UGGT2: variants seen among roughly 807,000 people sequenced by gnomAD.
The protein encoded by UGGT2 is UDP-glucose:glycoprotein glucosyltransferase 2.
UGGT2 carries 180 observed loss-of-function variants against 192.1 expected under a neutral mutation model. The ratio of observed to expected loss-of-function variants is 0.94; its 90% CI spans 0.83 to 1.06. The LOEUF is 1.06. Among genes scored for constraint, UGGT2 ranks in the 50% least tolerant of loss-of-function variants. The pLI, the probability that UGGT2 is intolerant of heterozygous loss-of-function variation, is 0.00. For synonymous variants in UGGT2, 580 were observed against 591.0 expected, an observed-to-expected ratio of 0.98 and a Z score of 0.27; for missense variants, 1,849 against 1,795.7, an observed-to-expected ratio of 1.03 and a Z score of -0.54.
In UGGT2 at chr13:95,925,789, C is replaced by A. The variant is rs965714496; in HGVS notation, c.2201-15G>T. On this transcript the variant is annotated splice_polypyrimidine_tract_variant and intron_variant, in intron 19 of 38. Coordinates refer to ENST00000376747, the MANE Select transcript of UGGT2 (RefSeq NM_020121.4). ...TATACTCTCATCTGAAAGTTTCAAA[C>A]AGTTTACTCAAATTAACTTTTTTTT... 7 of 1,496,386 alleles carry A rather than the reference C, an allele frequency of 4.7e-6. No homozygotes were observed. Among genetic ancestry groups the A allele is most frequent in the Non-Finnish European group, 5.4e-6 (6 of 1,113,148 alleles). The allele number at this position is 1,496,386 out of a possible 1,614,324, so 92.7% of individuals were successfully genotyped here. A position where few individuals can be genotyped will look rare whatever the true frequency, so the allele number is the denominator to read the frequency against.
At chr13:96,051,161 G>A (rs2139247180) in intron 1 of UGGT2, among the ~76,000 whole-genome samples, 1 of 152,276 alleles carries the variant, frequency 6.6e-6, no homozygotes, top group East Asian at 1.9e-4. Flanking sequence ...CATAAAAAAG[G>A]ATGAGTTCAT....
intron 4 of UGGT2, among the ~76,000 whole-genome samples, chr13:96,015,537 A>G (rs891923932): frequency 4.6e-5 from 7 of 152,164 alleles, no homozygotes; most frequent in African/African-American, 1.7e-4. Flanking sequence ...GAAAAATTAT[A>G]CCTATAGAGG....
At chr13:95,919,567 CCAA>C (rs1317675854) in intron 20 of UGGT2, among the ~76,000 whole-genome samples, 3 of 152,158 alleles carry the variant, frequency 2.0e-5, no homozygotes, top group African/African-American at 7.2e-5. Context: ...TTCCTATACA[CCAA>C]CAACAAGTAG....
At chr13:95,818,284 C>G (rs1339445209) in intron 38 of UGGT2, among the ~76,000 whole-genome samples, 1 of 152,172 alleles carries the variant, frequency 6.6e-6, no homozygotes. Flanking sequence ...TACATGCAAG[C>G]CTGGGAGGCA....
intron 12 of UGGT2, among the ~76,000 whole-genome samples, chr13:95,958,762 G>A (rs979733218): frequency 6.6e-6 from 1 of 152,142 alleles, no homozygotes; most frequent in Non-Finnish European, 1.5e-5. Flanking sequence ...AGGAGTACCC[G>A]AAAGCAAGAA....
rs1200418644 is a variant in UGGT2 at position 96,022,892 on chromosome 13, C to G, written c.485+148G>C. 1.4e-5 allele frequency: 6 copies of G among 440,188 alleles called. No individual in the cohort carries two copies. The East Asian group carries it at 2.3e-4, about 17-fold the overall frequency. 27.3% of individuals were successfully genotyped at this position (440,188 alleles called of 1,614,324 possible). A position where few individuals can be genotyped will look rare whatever the true frequency, so the allele number is the denominator to read the frequency against. ...CAAAAGCTAATCAAGACAAAACATT[C>G]TCAGATATATTACGGTTTTCAATAC... On this transcript the variant is annotated intron_variant, in intron 4 of 38. Transcript: ENST00000376747.
intron 10 of UGGT2, among the ~76,000 whole-genome samples, chr13:95,977,555 A>T (rs2050977103): frequency 6.6e-6 from 1 of 152,198 alleles, no homozygotes; most frequent in South Asian, 2.1e-4. Context: ...CAGATGCTGG[A>T]GAGGATGTGG....
At chr13:95,914,095 TGAGGGATGGGGGCCTGAGG>T (rs2048597278) in intron 20 of UGGT2, among the ~76,000 whole-genome samples, 1 of 151,992 alleles carries the variant, frequency 6.6e-6, no homozygotes, top group African/African-American at 2.4e-5. Flanking sequence ...CAGGGCCTGT[TGAGGGATGGGGGCCTGAGG>T]GAGGGATAGC....
chr13:95,827,778 C>G (rs1483108660), intron 38 of UGGT2, among the ~76,000 whole-genome samples: 1 of 152,176 alleles, frequency 6.6e-6, no homozygotes, highest in African/African-American at 2.4e-5. Context: ...TTACTTAGCA[C>G]TAGATACTGA....
intron 2 of UGGT2, among the ~76,000 whole-genome samples, chr13:96,029,740 T>C (rs1469227223): frequency 6.6e-6 from 1 of 152,198 alleles, no homozygotes; most frequent in Non-Finnish European, 1.5e-5. Context: ...ATCATTTCAT[T>C]TAGGTATAAA....
intron 38 of UGGT2, among the ~76,000 whole-genome samples, chr13:95,803,637 T>C (rs1884169739): frequency 6.6e-6 from 1 of 152,134 alleles, no homozygotes; most frequent in African/African-American, 2.4e-5. Flanking sequence ...GTGTACAGGA[T>C]GGGCTTTGAT....
chr13:96,019,017 G>GA (rs1379690025), intron 4 of UGGT2, among the ~76,000 whole-genome samples: 15 of 137,106 alleles, frequency 1.1e-4, no homozygotes, highest in South Asian at 2.3e-4. Flanking sequence ...GCTTAAATAA[G>GA]AAAAAAAAAC....
chr13:95,905,538 A>G (rs2140308300), intron 20 of UGGT2, among the ~76,000 whole-genome samples: 1 of 151,642 alleles, frequency 6.6e-6, no homozygotes, highest in East Asian at 1.9e-4. Flanking sequence ...TCCCAGCACC[A>G]TTTATTAAAT....
intron 6 of UGGT2, among the ~76,000 whole-genome samples, chr13:95,996,674 T>C (rs771699593): frequency 1.3e-5 from 2 of 152,136 alleles, no homozygotes; most frequent in Non-Finnish European, 1.5e-5. Flanking sequence ...ATAAAGTGCT[T>C]TATAGATTAG....
chr13:96,004,933 T>C (rs16951415), intron 5 of UGGT2, among the ~76,000 whole-genome samples: 22,581 of 151,802 alleles, frequency 0.15, 1,800 homozygotes, highest in Middle Eastern at 0.23. Flanking sequence ...ATGTGCCAGA[T>C]CTAACGAAGA....
chr13:95,897,281 G>C (rs908733965), intron 22 of UGGT2, among the ~76,000 whole-genome samples: 1 of 151,772 alleles, frequency 6.6e-6, no homozygotes, highest in East Asian at 1.9e-4. Flanking sequence ...ACTGGAATTT[G>C]AATCCAGATC....
intron 38 of UGGT2, among the ~76,000 whole-genome samples, chr13:95,813,885 G>A (rs1342201382): frequency 6.6e-6 from 1 of 152,204 alleles, no homozygotes; most frequent in Admixed American, 6.5e-5. Context: ...TCCAGCATCG[G>A]CTAAAGGAGC....
At position 95,999,303 on chromosome 13, in the gene UGGT2, G is replaced by A. The variant is rs773604195; in HGVS notation, c.665C>T (p.Pro222Leu). The change falls in exon 6 of 39, where the codon CCA becomes CTA. Residue 222 changes from proline to leucine, a missense_variant. Coordinates refer to ENST00000376747, the MANE Select transcript of UGGT2 (RefSeq NM_020121.4). ...AGATAAGTACATTTTCCGTGAGCTT[G>A]GTTTCTGTTCAAACACATTTATTTT... ...LYVLRHYIQK[P>L]SSRKMYLSGY... 4 of 1,613,150 alleles carry A rather than the reference G, an allele frequency of 2.5e-6. No individual in the cohort carries two copies. The highest frequency in any genetic ancestry group is 4.5e-5 in the East Asian group (2 of 44,792).
chr13:96,039,939 C>T (rs1237692331), intron 1 of UGGT2, among the ~76,000 whole-genome samples: 1 of 152,200 alleles, frequency 6.6e-6, no homozygotes, highest in East Asian at 1.9e-4. Flanking sequence ...TAAGTATTCT[C>T]TATGATGACA....
Sources: gnomAD v4.1 joint callset for allele counts (sites outside exome capture counted in the v4.1 genomes callset) on GRCh38, gnomAD v4.1.1 for gene constraint, MANE v1.5 for transcripts, NCBI Gene and HGNC (gene_info 2026-07-23, HGNC 2026-07-21) for gene names.